The following GRIA4 variants were observed in gnomAD, a reference collection of about 807,000 sequenced individuals.
GRIA4 encodes the protein glutamate receptor 4.
In GRIA4, 34 loss-of-function variants were observed where a neutral mutation model predicts 104.0. The observed-to-expected ratio is 0.33, with a 90% confidence interval of 0.25 to 0.44. The LOEUF is 0.44. Ranked by LOEUF, GRIA4 falls within the 20% of genes least tolerant of loss-of-function variation. The probability of loss-of-function intolerance (pLI) is 1.00; values close to 1 mark genes in which losing one functional copy is unlikely to be tolerated. For missense variants in GRIA4, 750 were observed against 1,096.5 expected, an observed-to-expected ratio of 0.68 and a Z score of 4.46; for synonymous variants, 386 against 381.9, an observed-to-expected ratio of 1.01 and a Z score of -0.13.
chr11:105,800,566 A>G (rs886497728), intron 4 of GRIA4, among the ~76,000 whole-genome samples: 6 of 152,052 alleles, frequency 3.9e-5, no homozygotes, highest in African/African-American at 1.4e-4. Flanking sequence ...ATTAATATAG[A>G]CTAAATATTA....
chr11:105,959,062 C>A lies in GRIA4; in HGVS notation c.2295-12852C>A, dbSNP rs182845911. On this transcript the variant is annotated intron_variant, in intron 14 of 16. Coordinates refer to ENST00000282499, the MANE Select transcript of GRIA4 (RefSeq NM_000829.4). The stretch of plus-strand genomic sequence containing the variant: ...TGAACAGTTTTCCCTTCATTTTGAC[C>A]TTGGAGAATCTGATGATTATGTGTC... Among the ~76,000 whole-genome samples the A allele has an allele frequency of 1.9e-3, 294 of 152,228 alleles. 4 individuals are homozygous for A. In the Middle Eastern group the frequency reaches 0.051, roughly 26 times the overall value.
chr11:105,735,272 T>C (rs748848117), intron 3 of GRIA4, among the ~76,000 whole-genome samples: 1 of 152,090 alleles, frequency 6.6e-6, no homozygotes, highest in Non-Finnish European at 1.5e-5. Context: ...TTAGACTCAA[T>C]ATAGTGAACC....
chr11:105,654,005 A>C (rs1349653051), intron 3 of GRIA4, among the ~76,000 whole-genome samples: 1 of 139,648 alleles, frequency 7.2e-6, no homozygotes, highest in East Asian at 2.0e-4. Context: ...TAGCCAAAAA[A>C]AAAAAAAAAA....
intron 4 of GRIA4, among the ~76,000 whole-genome samples, chr11:105,805,478 G>GA (rs57123559): frequency 0.039 from 3,642 of 92,426 alleles, 254 homozygotes; most frequent in African/African-American, 0.14. Flanking sequence ...AAGAAATCAG[G>GA]AAAAAAAAAA....
intron 3 of GRIA4, among the ~76,000 whole-genome samples, chr11:105,752,687 G>T (rs185768878): frequency 1.3e-5 from 2 of 152,054 alleles, no homozygotes; most frequent in Non-Finnish European, 2.9e-5. Context: ...CATTATTATG[G>T]AAGGCCATAT....
At chr11:105,946,392 G>A (rs914820129) in intron 14 of GRIA4, among the ~76,000 whole-genome samples, 2 of 151,996 alleles carry the variant, frequency 1.3e-5, no homozygotes, top group African/African-American at 4.8e-5. Flanking sequence ...AGACTGGCCT[G>A]GGCAACATGG....
intron 4 of GRIA4, among the ~76,000 whole-genome samples, chr11:105,821,026 T>C (rs1943557346): frequency 6.6e-6 from 1 of 152,176 alleles, no homozygotes; most frequent in South Asian, 2.1e-4. Flanking sequence ...CTCTATTTAC[T>C]GTACCATTGA....
chr11:105,963,728 G>T (rs1948796261), intron 14 of GRIA4, among the ~76,000 whole-genome samples: 1 of 152,006 alleles, frequency 6.6e-6, no homozygotes, highest in African/African-American at 2.4e-5. Flanking sequence ...GAATAATTTT[G>T]TAGAAAGCTT....
chr11:105,680,270 T>C (rs1565458821), intron 3 of GRIA4, among the ~76,000 whole-genome samples: 1 of 151,756 alleles, frequency 6.6e-6, no homozygotes, highest in African/African-American at 2.4e-5. Flanking sequence ...GTATGGTGAG[T>C]GGTGCTGCTC....
At chr11:105,795,933 C>T (rs1167823535) in intron 4 of GRIA4, among the ~76,000 whole-genome samples, 2 of 152,082 alleles carry the variant, frequency 1.3e-5, no homozygotes, top group African/African-American at 4.8e-5. Flanking sequence ...AAGGTAGGAG[C>T]TTCAGCAAAT....
chr11:105,870,441 A>G (rs1331051880), intron 5 of GRIA4, among the ~76,000 whole-genome samples: 1 of 151,964 alleles, frequency 6.6e-6, no homozygotes, highest in African/African-American at 2.4e-5. Flanking sequence ...ATTTCCAAGC[A>G]CTGCATATAA....
intron 3 of GRIA4, among the ~76,000 whole-genome samples, chr11:105,620,208 T>C (rs1206708661): frequency 6.6e-6 from 1 of 151,916 alleles, no homozygotes; most frequent in African/African-American, 2.4e-5. Flanking sequence ...GGATTTGACA[T>C]TGCTGACAAC....
intron 4 of GRIA4, among the ~76,000 whole-genome samples, chr11:105,783,301 G>A: frequency 6.6e-6 from 1 of 152,174 alleles, no homozygotes; most frequent in East Asian, 1.9e-4. Flanking sequence ...TTTAATGGAT[G>A]CAGTTCTCAA....
chr11:105,730,525 T>G (rs1938519069), intron 3 of GRIA4, among the ~76,000 whole-genome samples: 2 of 152,156 alleles, frequency 1.3e-5, no homozygotes, highest in Admixed American at 6.6e-5. Context: ...TAGAAAAAAC[T>G]ACTTTAAATT....
chr11:105,673,368 T>C (rs928657436), intron 3 of GRIA4, among the ~76,000 whole-genome samples: 1 of 152,026 alleles, frequency 6.6e-6, no homozygotes, highest in African/African-American at 2.4e-5. Context: ...AATAAAGAAA[T>C]GTAACATAAA....
chr11:105,701,955 G>A lies in GRIA4; in HGVS notation c.248-51026G>A, dbSNP rs116333828. 7.8e-3 allele frequency among the ~76,000 whole-genome samples: 1,192 copies of A among 152,032 alleles called. 15 individuals carry two copies. Among genetic ancestry groups the A allele is most frequent in the African/African-American group, 0.027 (1,119 of 41,456 alleles). ...CACTTGCATTTTTTTAAAAAACAGA[G>A]GCAGGATCTCACTCTATCTCCCAGA... On this transcript the variant is annotated intron_variant, in intron 3 of 16. Coordinates refer to ENST00000282499, the MANE Select transcript of GRIA4 (RefSeq NM_000829.4).
intron 3 of GRIA4, among the ~76,000 whole-genome samples, chr11:105,616,207 T>C (rs1950595869): frequency 6.6e-6 from 1 of 151,754 alleles, no homozygotes. Context: ...TTTTATCTTG[T>C]TCTCTTTTTC....
Position 105,753,103 on chromosome 11 carries a change from A to T in GRIA4, c.370A>T (p.Thr124Ser), listed in dbSNP as rs758557496. Reference protein sequence around the residue: ...HISLITPSFPTEGESQFVLQL... With the variant: ...HISLITPSFPSEGESQFVLQL... ...CTCCCTCATCACACCAAGTTTCCCT[A>T]CTGAGGGGGAGAGCCAGTTTGTGCT... The change falls in exon 4 of 17, where the codon ACT (threonine) becomes TCT (serine). Residue 124 changes from threonine (T) to serine (S), a missense_variant. By Grantham distance (58) the Thr-to-Ser change is moderately conservative. Transcript: ENST00000282499. 1 of 1,613,756 alleles carries T rather than the reference A, an allele frequency of 6.2e-7. No homozygotes were observed. The highest frequency in any genetic ancestry group is 8.5e-7 in the Non-Finnish European group (1 of 1,179,854).
At chr11:105,888,369 C>T (rs565585630) in intron 6 of GRIA4, among the ~76,000 whole-genome samples, 10 of 140,494 alleles carry the variant, frequency 7.1e-5, no homozygotes, top group East Asian at 4.2e-4. Context: ...CTGCAAGCTC[C>T]GCCTCCCGGG....
Sources: gnomAD v4.1 joint callset for allele counts (sites outside exome capture counted in the v4.1 genomes callset) on GRCh38, gnomAD v4.1.1 for gene constraint, MANE v1.5 for transcripts, NCBI Gene and HGNC (gene_info 2026-07-23, HGNC 2026-07-21) for gene names.